Variants in RDX observed in about 807,000 individuals in gnomAD.
RDX encodes the protein deafness, autosomal recessive 24.
Under a neutral mutation model 83.7 loss-of-function variants are expected in RDX, and 32 were observed. That is an observed-to-expected ratio of 0.38 (90% CI 0.29 to 0.51). The LOEUF (loss-of-function observed/expected upper bound fraction) is 0.51, where lower values mean the gene tolerates loss of function less well. Among genes scored for constraint, RDX ranks in the 20% least tolerant of loss-of-function variants. The probability of loss-of-function intolerance (pLI) is 0.87; values close to 1 mark genes in which losing one functional copy is unlikely to be tolerated. For synonymous variants in RDX, 229 were observed against 222.7 expected, an observed-to-expected ratio of 1.03 and a Z score of -0.25; for missense variants, 600 against 689.9, an observed-to-expected ratio of 0.87 and a Z score of 1.46.
chr11:110,226,256 T>A (rs1457152140), downstream of RDX, among the ~76,000 whole-genome samples: 1 of 152,076 alleles, frequency 6.6e-6, no homozygotes, highest in Non-Finnish European at 1.5e-5. Context: ...GATAAATGGA[T>A]AAAATATGGT....
chr11:110,207,216 C>T (rs1431996371), intron 14 of RDX, among the ~76,000 whole-genome samples: 3 of 152,050 alleles, frequency 2.0e-5, no homozygotes, highest in African/African-American at 4.8e-5. Context: ...TCAAGTGATC[C>T]GCCCGCCTCA....
intron 15 of RDX, among the ~76,000 whole-genome samples, chr11:110,177,493 C>G (rs1862799354): frequency 6.6e-6 from 1 of 152,216 alleles, no homozygotes; most frequent in Non-Finnish European, 1.5e-5. Context: ...ACCTTGGCCC[C>G]CATTCTTCCC....
At position 110,214,073 on chromosome 11, in the gene RDX, AT is replaced by A. The variant is rs1308025265; in HGVS notation, c.1749-14396del. On this transcript the variant is annotated intron_variant, in intron 14 of 15. Coordinates refer to the RDX transcript ENST00000528498. ...CAGGCAACCTACAAAATGGGAGAAA[AT>A]TTTCGCAACCTACTCATCTGACAAA... Among the ~76,000 whole-genome samples, 30 of 127,960 alleles carry A rather than the reference AT, an allele frequency of 2.3e-4. No homozygotes were observed. The East Asian group carries it at 6.4e-3, about 27-fold the overall frequency. The allele number at this position is 127,960 out of a possible 152,430, so 83.9% of individuals were successfully genotyped here.
chr11:110,236,189 T>C lies in RDX; in HGVS notation c.1254A>G (p.Ala418=). ...ADQMKNQEQL[A]AELAEFTAKI... is the part of the protein sequence containing the mutation. ...TGGCAGTGAATTCAGCAAGTTCTGC[T>C]GCCTAAAGTAAACAATATAATTCCA... is the stretch of plus-strand genomic sequence containing the variant. Residue 418 remains alanine, a splice_region_variant and synonymous_variant, in exon 12 of 14, where the codon GCA becomes GCG. Transcript: ENST00000645495. The C allele has an allele frequency of 6.2e-7, 1 of 1,610,410 alleles. No individual in the cohort carries two copies.
At chr11:110,255,683 T>TTC in intron 7 of RDX, among the ~76,000 whole-genome samples, 1 of 151,882 alleles carries the variant, frequency 6.6e-6, no homozygotes, top group South Asian at 2.1e-4. Context: ...CCTCCTGGGG[T>TTC]TTGAACTAGC....
intron 14 of RDX, among the ~76,000 whole-genome samples, chr11:110,220,938 T>A (rs530508526): frequency 3.4e-5 from 5 of 148,210 alleles, no homozygotes; most frequent in African/African-American, 9.9e-5. Context: ...ACAGGATCCC[T>A]ATACCCCTAA....
chr11:110,188,231 T>C (rs1863025397), intron 15 of RDX, among the ~76,000 whole-genome samples: 1 of 151,424 alleles, frequency 6.6e-6, no homozygotes, highest in African/African-American at 2.4e-5. Context: ...GAGGCAGAGG[T>C]TGCAGTGAGC....
intron 14 of RDX, among the ~76,000 whole-genome samples, chr11:110,216,238 T>C (rs1310038268): frequency 2.0e-5 from 3 of 152,146 alleles, no homozygotes; most frequent in Non-Finnish European, 2.9e-5. Flanking sequence ...CATGAACAAG[T>C]GAAGCTCTTT....
At chr11:110,194,253 G>C (rs1469473004) in intron 15 of RDX, among the ~76,000 whole-genome samples, 1 of 152,180 alleles carries the variant, frequency 6.6e-6, no homozygotes, top group Non-Finnish European at 1.5e-5. Context: ...CCCTGCCATA[G>C]GGTAACAATA....
downstream of RDX, among the ~76,000 whole-genome samples, chr11:110,224,734 C>A (rs1328698312): frequency 6.6e-6 from 1 of 152,174 alleles, no homozygotes; most frequent in Admixed American, 6.5e-5. Flanking sequence ...CAAACATGAA[C>A]AATATAGCAA....
intron 14 of RDX, among the ~76,000 whole-genome samples, chr11:110,215,309 G>C (rs1185722624): frequency 1.3e-5 from 2 of 150,218 alleles, no homozygotes; most frequent in Non-Finnish European, 3.0e-5. Context: ...GTTGCAGTGA[G>C]CTGAGATCGT....
chr11:110,273,719 G>C (rs1224285047), intron 2 of RDX, among the ~76,000 whole-genome samples: 1 of 152,050 alleles, frequency 6.6e-6, no homozygotes, highest in Non-Finnish European at 1.5e-5. Flanking sequence ...TATCTTTTTA[G>C]CTTTTTAAAT....
intron 15 of RDX, among the ~76,000 whole-genome samples, chr11:110,198,651 GGTGGAACA>G (rs1863287371): frequency 2.6e-5 from 4 of 152,080 alleles, no homozygotes; most frequent in Non-Finnish European, 5.9e-5. Flanking sequence ...CATGATTTGA[GGTGGAACA>G]GTTTCACCCC....
chr11:110,177,077 T>C (rs1245186524), intron 15 of RDX, among the ~76,000 whole-genome samples: 3 of 152,154 alleles, frequency 2.0e-5, no homozygotes, highest in Non-Finnish European at 2.9e-5. Context: ...AAGAAACACA[T>C]TTCCAGAGAC....
In RDX at chr11:110,231,136, A is replaced by G. The variant is rs1209931842; in HGVS notation, c.*733T>C. The G allele has an allele frequency of 6.6e-6, 1 of 152,428 alleles. No individual in the cohort carries two copies. Among genetic ancestry groups the G allele is most frequent in the Non-Finnish European group, 1.5e-5 (1 of 68,058 alleles). 9.4% of individuals were successfully genotyped at this position (152,428 alleles called of 1,614,324 possible). On this transcript the variant is annotated 3_prime_UTR_variant, in exon 14 of 14. Coordinates refer to ENST00000645495, the MANE Select transcript of RDX (RefSeq NM_002906.4). ...TCTAAACCTCTGTGAAATGGTAGGC[A>G]AAAAAAGCCATCAAAGGATCACAGG... is the stretch of plus-strand genomic sequence containing the variant.
intron 2 of RDX, among the ~76,000 whole-genome samples, chr11:110,275,545 G>A (rs1270917974): frequency 6.6e-6 from 1 of 152,106 alleles, no homozygotes; most frequent in African/African-American, 2.4e-5. Context: ...TCTCATCTGC[G>A]AATGTTCACG....
chr11:110,283,607 C>T (rs549783980), intron 1 of RDX, among the ~76,000 whole-genome samples: 337 of 152,044 alleles, frequency 2.2e-3, no homozygotes, highest in Non-Finnish European at 3.0e-3. Flanking sequence ...TACTTGTAAA[C>T]CCAGCACTTT....
intron 14 of RDX, among the ~76,000 whole-genome samples, chr11:110,207,669 GTA>G (rs1423545111): frequency 1.3e-5 from 2 of 151,662 alleles, no homozygotes; most frequent in South Asian, 2.1e-4. Context: ...CACATGAATT[GTA>G]TGAAATTCAG....
At chr11:110,211,622 A>C (rs1863841641) in intron 14 of RDX, among the ~76,000 whole-genome samples, 3 of 149,044 alleles carry the variant, frequency 2.0e-5, no homozygotes, top group African/African-American at 7.4e-5. Context: ...AACAGAAATT[A>C]TAACAAACTA....
Sources: gnomAD v4.1 joint callset for allele counts (sites outside exome capture counted in the v4.1 genomes callset) on GRCh38, gnomAD v4.1.1 for gene constraint, MANE v1.5 for transcripts, NCBI Gene and HGNC (gene_info 2026-07-23, HGNC 2026-07-21) for gene names.